Variants in RTN3 observed in about 807,000 individuals in gnomAD.
The protein encoded by RTN3 is reticulon 3.
RTN3 carries 49 observed loss-of-function variants against 77.8 expected under a neutral mutation model. The ratio of observed to expected loss-of-function variants is 0.63; its 90% CI spans 0.50 to 0.80. The LOEUF (loss-of-function observed/expected upper bound fraction) is 0.80, where lower values mean the gene tolerates loss of function less well. Ranked by LOEUF, RTN3 falls within the 30% of genes least tolerant of loss-of-function variation. The pLI, the probability that RTN3 is intolerant of heterozygous loss-of-function variation, is 0.00. For missense variants in RTN3, 1,236 were observed against 1,211.9 expected, an observed-to-expected ratio of 1.02 and a Z score of -0.29; for synonymous variants, 464 against 446.9, an observed-to-expected ratio of 1.04 and a Z score of -0.48.
chr11:63,726,179 TA>T (rs1424341757), intron 3 of RTN3, among the ~76,000 whole-genome samples: 4 of 152,182 alleles, frequency 2.6e-5, no homozygotes, highest in Non-Finnish European at 5.9e-5. Context: ...TTCCTGCATA[TA>T]ACTGGACAAA....
chr11:63,712,083 G>A (rs555195469), intron 2 of RTN3, among the ~76,000 whole-genome samples: 48 of 152,274 alleles, frequency 3.2e-4, no homozygotes, highest in African/African-American at 9.9e-4. Context: ...GTATTCAGAC[G>A]TTGCATCACC....
At chr11:63,683,048 A>T (rs1348616292) in intron 1 of RTN3, among the ~76,000 whole-genome samples, 1 of 152,022 alleles carries the variant, frequency 6.6e-6, no homozygotes, top group African/African-American at 2.4e-5. Flanking sequence ...TCTAAAGAAA[A>T]AATTTCTGAT....
At chr11:63,688,811 G>T (rs547153849) in intron 1 of RTN3, among the ~76,000 whole-genome samples, 5 of 152,286 alleles carry the variant, frequency 3.3e-5, no homozygotes, top group Admixed American at 3.3e-4. Context: ...GTCTAGTCCT[G>T]TGCATGTTTC....
intron 2 of RTN3, among the ~76,000 whole-genome samples, chr11:63,706,167 A>ATT (rs879270987): frequency 6.7e-6 from 1 of 150,162 alleles, no homozygotes; most frequent in Non-Finnish European, 1.5e-5. Flanking sequence ...ATGGTAGGGA[A>ATT]TTTTTTTTTT....
intron 1 of RTN3, among the ~76,000 whole-genome samples, chr11:63,692,447 G>T (rs1457729019): frequency 6.6e-6 from 1 of 151,342 alleles, no homozygotes; most frequent in Non-Finnish European, 1.5e-5. Context: ...CTGCAACCCG[G>T]CCAAATCATA....
At position 63,758,693 on chromosome 11, in the gene RTN3, C is replaced by G. The variant is rs543041295; in HGVS notation, c.*492C>G. 39 of 276,588 alleles carry G rather than the reference C, an allele frequency of 1.4e-4. No individual in the cohort carries two copies. The highest frequency in any genetic ancestry group is 7.8e-4 in the African/African-American group (36 of 45,990). The allele number at this position is 276,588 out of a possible 1,614,324, so 17.1% of individuals were successfully genotyped here. A position where few individuals can be genotyped will look rare whatever the true frequency, so the allele number is the denominator to read the frequency against. On this transcript the variant is annotated 3_prime_UTR_variant, in exon 9 of 9. Transcript: ENST00000377819. ...GCCCTCAAATCCTATCTTCCTGCCCCACAATGTGAGCAGCTACCCCTGATA... is the reference window on the plus strand; with the variant it reads ...GCCCTCAAATCCTATCTTCCTGCCCGACAATGTGAGCAGCTACCCCTGATA...
intron 1 of RTN3, among the ~76,000 whole-genome samples, chr11:63,684,861 A>C (rs978598444): frequency 6.6e-6 from 1 of 152,162 alleles, no homozygotes; most frequent in Non-Finnish European, 1.5e-5. Flanking sequence ...CTGGGCTCAA[A>C]CCATTCTCCC....
chr11:63,681,468 C>T (rs1941025577), upstream of RTN3: 2 of 652,422 alleles, frequency 3.1e-6, no homozygotes, highest in Non-Finnish European at 4.5e-6. Context: ...GCTCGCGCTC[C>T]CGCCCTCTAG....
At chr11:63,681,821 C>A (rs1590759838) in intron 1 of RTN3, 43 bp downstream of exon 1, 1 of 1,492,986 alleles carries the variant, frequency 6.7e-7, no homozygotes, top group African/African-American at 1.4e-5. Context: ...AGAGGGCGAG[C>A]GGGAGCCTGG....
chr11:63,700,246 C>G (rs1942165905), intron 1 of RTN3, among the ~76,000 whole-genome samples: 1 of 145,426 alleles, frequency 6.9e-6, no homozygotes, highest in Admixed American at 7.0e-5. Context: ...ATGGATCCAT[C>G]TGGAAACATA....
Position 63,713,843 on chromosome 11 carries a change from G to T in RTN3, c.200-4859G>T, listed in dbSNP as rs1344157711. 3 of 316,606 alleles carry T rather than the reference G, an allele frequency of 9.5e-6. No individual in the cohort carries two copies. In the East Asian group the frequency reaches 2.4e-4, roughly 26 times the overall value. 19.6% of individuals were successfully genotyped at this position (316,606 alleles called of 1,614,324 possible). A position where few individuals can be genotyped will look rare whatever the true frequency, so the allele number is the denominator to read the frequency against. ...TGAAGGGATGAATCTTTTGAGAAAAGAAAGATAGTAGACATTTTCTGAGAC... is the reference window on the plus strand; with the variant it reads ...TGAAGGGATGAATCTTTTGAGAAAATAAAGATAGTAGACATTTTCTGAGAC... On this transcript the variant is annotated intron_variant, in intron 2 of 8. Transcript: ENST00000377819.
chr11:63,734,775 A>ACACACG (rs1555077885), intron 3 of RTN3, among the ~76,000 whole-genome samples: 3 of 144,420 alleles, frequency 2.1e-5, no homozygotes, highest in African/African-American at 7.8e-5. Flanking sequence ...ACACACACAC[A>ACACACG]CACACACCAT....
In RTN3 at chr11:63,720,598, G is replaced by C. The variant is rs748761861; in HGVS notation, c.2096G>C (p.Gly699Ala). The C allele has an allele frequency of 6.2e-7, 1 of 1,613,848 alleles. No homozygotes were observed. The highest frequency in any genetic ancestry group is 1.3e-5 in the African/African-American group (1 of 74,904). Residue 699 changes from glycine to alanine, a missense_variant, in exon 3 of 9, where the codon GGT becomes GCT. Gly to Ala is a moderately conservative substitution (Grantham distance 60). This residue lies in a region of RTN3 where 1,056 missense variants were observed against 990.4 expected (regional missense o/e 1.07). Transcript: ENST00000377819. ...GAAGTCTTACATGAAAATGAGTCCG[G>C]TGGTTCTGAAATTAAAGACATTGGA... ...PVEVLHENES[G>A]GSEIKDIGSK...
At chr11:63,707,858 C>T (rs1942574379) in intron 2 of RTN3, among the ~76,000 whole-genome samples, 1 of 152,048 alleles carries the variant, frequency 6.6e-6, no homozygotes, top group Non-Finnish European at 1.5e-5. Context: ...CAAAAGAATG[C>T]CCTATCCTCG....
At chr11:63,691,387 C>G (rs1359379040) in intron 1 of RTN3, among the ~76,000 whole-genome samples, 1 of 152,058 alleles carries the variant, frequency 6.6e-6, no homozygotes, top group African/African-American at 2.4e-5. Flanking sequence ...TCCTAAAATG[C>G]TGGGATTACA....
chr11:63,716,608 G>GT (rs1157014510), intron 2 of RTN3, among the ~76,000 whole-genome samples: 2 of 152,208 alleles, frequency 1.3e-5, no homozygotes, highest in African/African-American at 4.8e-5. Context: ...AGGTGGGCAG[G>GT]TTGCTTGAGC....
intron 2 of RTN3, among the ~76,000 whole-genome samples, chr11:63,710,012 A>T (rs1245180829): frequency 6.6e-6 from 1 of 152,226 alleles, no homozygotes; most frequent in African/African-American, 2.4e-5. Flanking sequence ...TTGATATAGG[A>T]TATAACATTC....
chr11:63,709,335 T>G (rs569897335), intron 2 of RTN3, among the ~76,000 whole-genome samples: 3 of 152,320 alleles, frequency 2.0e-5, no homozygotes, highest in African/African-American at 4.8e-5. Context: ...AAATTTTGTT[T>G]TACTTTTCAA....
chr11:63,744,008 C>T (rs2013641280), intron 3 of RTN3, among the ~76,000 whole-genome samples: 1 of 151,072 alleles, frequency 6.6e-6, no homozygotes, highest in South Asian at 2.1e-4. Context: ...CTTTGGGAGG[C>T]CGAGGCAGGC....
Sources: allele counts gnomAD v4.1 joint callset (sites outside exome capture counted in the v4.1 genomes callset), GRCh38; gene constraint gnomAD v4.1.1; regional missense constraint gnomAD v4.1.1; transcripts MANE v1.5; gene names NCBI Gene and HGNC (gene_info 2026-07-23, HGNC 2026-07-21).